CHSY3: variants seen among roughly 807,000 people sequenced by gnomAD.
CHSY3 encodes N-acetylgalactosaminyl-proteoglycan 3-beta-glucuronosyltransferase 3.
Under a neutral mutation model 67.2 loss-of-function variants are expected in CHSY3, and 35 were observed. That is an observed-to-expected ratio of 0.52 (90% CI 0.40 to 0.69). CHSY3 has a LOEUF of 0.69. Among genes scored for constraint, CHSY3 ranks in the 30% least tolerant of loss-of-function variants. The pLI is 0.00. For synonymous variants in CHSY3, 474 were observed against 434.7 expected, an observed-to-expected ratio of 1.09 and a Z score of -1.12; for missense variants, 1,069 against 1,138.5, an observed-to-expected ratio of 0.94 and a Z score of 0.88.
chr5:130,081,569 C>G (rs79075934), intron 2 of CHSY3, among the ~76,000 whole-genome samples: 76 of 152,160 alleles, frequency 5.0e-4, no homozygotes, highest in African/African-American at 1.8e-3. Flanking sequence ...TGAATTGTGG[C>G]TCCCATAATA....
At chr5:130,183,186 G>T (rs1034974374) in intron 2 of CHSY3, among the ~76,000 whole-genome samples, 1 of 151,320 alleles carries the variant, frequency 6.6e-6, no homozygotes, top group Non-Finnish European at 1.5e-5. Flanking sequence ...TGTCTTAATC[G>T]ACTGGCAGAA....
At chr5:130,172,361 C>T (rs1769921011) in intron 2 of CHSY3, among the ~76,000 whole-genome samples, 3 of 141,648 alleles carry the variant, frequency 2.1e-5, no homozygotes, top group African/African-American at 8.1e-5. Context: ...GACAGGGGCT[C>T]ACTTTGCCAC....
intron 2 of CHSY3, among the ~76,000 whole-genome samples, chr5:130,072,367 C>T (rs1234062064): frequency 6.6e-6 from 1 of 151,994 alleles, no homozygotes; most frequent in Non-Finnish European, 1.5e-5. Context: ...TAATGTCATT[C>T]TTCGGCATGT....
At chr5:130,103,767 C>G (rs992711543) in intron 2 of CHSY3, among the ~76,000 whole-genome samples, 5 of 151,922 alleles carry the variant, frequency 3.3e-5, no homozygotes, top group Admixed American at 1.3e-4. Flanking sequence ...GCCTTGACTC[C>G]TTGTTTATAG....
intron 2 of CHSY3, among the ~76,000 whole-genome samples, chr5:129,965,980 C>T (rs1319151998): frequency 6.6e-6 from 1 of 151,874 alleles, no homozygotes; most frequent in Non-Finnish European, 1.5e-5. Flanking sequence ...GTCCATCAGA[C>T]ACATATTTTG....
chr5:130,088,739 T>C lies in CHSY3; in HGVS notation c.1087-95490T>C, dbSNP rs573489305. Reference sequence around the variant, plus strand: ...AGGAAACAACAGGTGCTGGAGAGGATGTGGAGAAATAGGAACACTTTTACA... The same window carrying C: ...AGGAAACAACAGGTGCTGGAGAGGACGTGGAGAAATAGGAACACTTTTACA... On this transcript the variant is annotated intron_variant, in intron 2 of 2. Coordinates refer to ENST00000305031, the MANE Select transcript of CHSY3 (RefSeq NM_175856.5). Among the ~76,000 whole-genome samples, 654 of 152,152 alleles carry C rather than the reference T, an allele frequency of 4.3e-3. 5 individuals are homozygous for C. Among genetic ancestry groups the C allele is most frequent in the African/African-American group, 0.014 (590 of 41,498 alleles).
chr5:130,176,762 T>C (rs536304356), intron 2 of CHSY3, among the ~76,000 whole-genome samples: 9 of 152,214 alleles, frequency 5.9e-5, no homozygotes, highest in African/African-American at 2.2e-4. Flanking sequence ...AAACATTGCA[T>C]GTTCTCACTA....
intron 2 of CHSY3, among the ~76,000 whole-genome samples, chr5:129,950,724 A>C (rs1017486504): frequency 1.3e-5 from 2 of 152,214 alleles, no homozygotes; most frequent in Admixed American, 6.5e-5. Flanking sequence ...AGAGCTGTAC[A>C]CTGAAAACTG....
intron 2 of CHSY3, among the ~76,000 whole-genome samples, chr5:130,168,224 A>G (rs940154517): frequency 6.6e-6 from 1 of 152,070 alleles, no homozygotes; most frequent in Non-Finnish European, 1.5e-5. Flanking sequence ...TGTCATTCTC[A>G]TTTACTGTGG....
At chr5:130,167,068 A>G (rs919928204) in intron 2 of CHSY3, among the ~76,000 whole-genome samples, 1 of 152,120 alleles carries the variant, frequency 6.6e-6, no homozygotes, top group Admixed American at 6.6e-5. Context: ...AACAAAAGGA[A>G]GGAGAGTTTT....
intron 2 of CHSY3, among the ~76,000 whole-genome samples, chr5:130,118,940 C>G (rs1459886669): frequency 6.6e-6 from 1 of 152,056 alleles, no homozygotes; most frequent in African/African-American, 2.4e-5. Flanking sequence ...TGGCTTTACA[C>G]ACATCAAATC....
intron 2 of CHSY3, among the ~76,000 whole-genome samples, chr5:129,976,557 A>G (rs886771742): frequency 3.3e-5 from 5 of 152,178 alleles, no homozygotes; most frequent in Non-Finnish European, 1.5e-5. Context: ...AATGAAGGAT[A>G]TCTGGGAACC....
In CHSY3 at chr5:129,949,074, G is replaced by C. The variant is rs561837748; in HGVS notation, c.1086+40714G>C. On this transcript the variant is annotated intron_variant, in intron 2 of 2. Transcript: ENST00000305031. ...AAGCTTTTTAATGATAAAAGGACTA[G>C]TCCAACAGGAAACTATCACAGTCAC... 1.7e-4 allele frequency among the ~76,000 whole-genome samples: 26 copies of C among 152,224 alleles called. 1 individual carries two copies. The South Asian group carries it at 4.4e-3, about 26-fold the overall frequency.
chr5:130,122,272 A>G (rs1221791025), intron 2 of CHSY3, among the ~76,000 whole-genome samples: 1 of 152,166 alleles, frequency 6.6e-6, no homozygotes, highest in Non-Finnish European at 1.5e-5. Flanking sequence ...CTGTCTTTAT[A>G]TAATTATTAG....
chr5:130,105,161 G>A (rs1561538988), intron 2 of CHSY3, among the ~76,000 whole-genome samples: 1 of 151,586 alleles, frequency 6.6e-6, no homozygotes, highest in African/African-American at 2.4e-5. Flanking sequence ...TCACCTTTCA[G>A]CAATACAGCC....
chr5:129,942,438 AT>A (rs1230026977), intron 2 of CHSY3, among the ~76,000 whole-genome samples: 1 of 152,266 alleles, frequency 6.6e-6, no homozygotes, highest in East Asian at 1.9e-4. Flanking sequence ...TTTTCTTTAT[AT>A]TTTTGAATAT....
At chr5:130,045,988 A>G (rs565933679) in intron 2 of CHSY3, among the ~76,000 whole-genome samples, 95 of 152,184 alleles carry the variant, frequency 6.2e-4, no homozygotes, top group African/African-American at 2.2e-3. Flanking sequence ...TGTGGCTTCA[A>G]TCTACTCTTC....
intron 2 of CHSY3, among the ~76,000 whole-genome samples, chr5:129,951,056 AG>A (rs1762010671): frequency 6.6e-6 from 1 of 152,184 alleles, no homozygotes; most frequent in African/African-American, 2.4e-5. Flanking sequence ...AAAGACCAAT[AG>A]GGCAGAATAG....
intron 2 of CHSY3, among the ~76,000 whole-genome samples, chr5:130,008,142 G>A (rs967090937): frequency 6.6e-6 from 1 of 152,178 alleles, no homozygotes; most frequent in African/African-American, 2.4e-5. Flanking sequence ...TGTGGACCCT[G>A]CTGCTATGCC....
Sources: gnomAD v4.1 joint callset for allele counts (sites outside exome capture counted in the v4.1 genomes callset) on GRCh38, gnomAD v4.1.1 for gene constraint, MANE v1.5 for transcripts, NCBI Gene and HGNC (gene_info 2026-07-23, HGNC 2026-07-21) for gene names.